Variants in ALG13 observed in about 807,000 individuals in gnomAD.
ALG13 encodes ALG13 UDP-N-acetylglucosaminyltransferase subunit, also known as UDP-N-acetylglucosamine transferase subunit ALG13.
A neutral mutation model predicts 87.8 loss-of-function variants in ALG13; 11 were observed. The ratio of observed to expected loss-of-function variants is 0.13; its 90% CI spans 0.08 to 0.21. The LOEUF (loss-of-function observed/expected upper bound fraction) is 0.21. ALG13 is among the 10% of genes least tolerant of loss of function. ALG13 has a pLI of 1.00. For missense variants in ALG13, 756 were observed against 866.1 expected (o/e 0.87, Z 1.60); for synonymous variants, 320 against 306.3 (o/e 1.04, Z -0.47).
chrX:111,737,997 A>G (rs1356489117), intron 23 of ALG13, among the ~76,000 whole-genome samples: 4 of 112,645 alleles, frequency 3.6e-5, no homozygotes, highest in African/African-American at 1.3e-4. Context: ...CAAATGCTAC[A>G]CAAATATATC....
chrX:111,721,479 C>T (rs1941391006), intron 11 of ALG13, 124 bp from the exon 12 acceptor site: 1 of 154,021 alleles, frequency 6.5e-6, no homozygotes, highest in Non-Finnish European at 1.1e-5. Flanking sequence ...TTAATTCTTC[C>T]TTCTTCATAG....
chrX:111,682,359 A>G (rs1229790242), intron 2 of ALG13, 65 bp downstream of exon 2: 8 of 924,921 alleles, frequency 8.6e-6, no homozygotes, highest in Non-Finnish European at 8.7e-6. Context: ...GTTCTGGGGT[A>G]TTCTGGGGGT....
At position 111,682,242 on chromosome X, in the gene ALG13, G is replaced by A. The variant is rs1301840425; in HGVS notation, c.192G>A (p.Lys64=). 8.4e-7 allele frequency: 1 copy of A among 1,196,999 alleles called. No homozygotes were observed. Among genetic ancestry groups the A allele is most frequent in the Admixed American group, 2.2e-5 (1 of 44,590 alleles). Residue 64 remains lysine (K), a synonymous_variant, in exon 2 of 27, where the codon AAG becomes AAA. Coordinates refer to ENST00000394780, the MANE Select transcript of ALG13 (RefSeq NM_001099922.3). ...TTACTCTGGATGTTTACAGGTACAAGGATTCCTTGAAAGAAGACATTCAGA... is the reference window on the plus strand; with the variant it reads ...TTACTCTGGATGTTTACAGGTACAAAGATTCCTTGAAAGAAGACATTCAGA... The part of the protein sequence containing the change: ...ESFTLDVYRY[K]DSLKEDIQKA...
At chrX:111,703,513 C>T (rs1209217239) in intron 3 of ALG13, among the ~76,000 whole-genome samples, 1 of 111,596 alleles carries the variant, frequency 9.0e-6, no homozygotes, top group Non-Finnish European at 1.9e-5. Context: ...CCCATTTATC[C>T]TTTCTCTTTG....
At chrX:111,726,101 G>T (rs1471013920) in intron 15 of ALG13, among the ~76,000 whole-genome samples, 1 of 110,947 alleles carries the variant, frequency 9.0e-6, no homozygotes, top group Non-Finnish European at 1.9e-5. Flanking sequence ...CTGCCACCGT[G>T]CCTGGCTAAT....
intron 3 of ALG13, among the ~76,000 whole-genome samples, chrX:111,686,986 TC>T (rs1370464941): frequency 2.7e-5 from 3 of 112,223 alleles, no homozygotes; most frequent in Non-Finnish European, 5.6e-5. Context: ...AGACGGAGTT[TC>T]GCTCTTGTTG....
chrX:111,701,407 A>G (rs146491074), intron 3 of ALG13, among the ~76,000 whole-genome samples: 463 of 111,206 alleles, frequency 4.2e-3, no homozygotes, highest in African/African-American at 0.014. Flanking sequence ...CAGATTTTCT[A>G]TTTCTTCATG....
chrX:111,755,593 C>A (rs1329751105), intron 25 of ALG13, among the ~76,000 whole-genome samples: 1 of 112,371 alleles, frequency 8.9e-6, no homozygotes, highest in Non-Finnish European at 1.9e-5. Context: ...AAATAAACAA[C>A]CCCATCAAAA....
intron 3 of ALG13, among the ~76,000 whole-genome samples, chrX:111,694,652 A>G (rs1327284005): frequency 8.9e-6 from 1 of 112,185 alleles, no homozygotes; most frequent in African/African-American, 3.2e-5. Context: ...CCTGATAGTC[A>G]CTGTTGGAAT....
intron 23 of ALG13, among the ~76,000 whole-genome samples, chrX:111,743,378 A>G (rs1943932736): frequency 8.9e-6 from 1 of 112,061 alleles, no homozygotes; most frequent in Admixed American, 9.5e-5. Context: ...GAAATATATG[A>G]CAAAACTCCA....
intron 15 of ALG13, among the ~76,000 whole-genome samples, chrX:111,726,232 G>T (rs200300705): frequency 0.025 from 1,496 of 59,850 alleles, 32 homozygotes; most frequent in African/African-American, 0.039. Flanking sequence ...GGCGTGTTTT[G>T]TTTTTTTTTT....
chrX:111,707,936 C>T (rs1602634328), intron 3 of ALG13, 91 bp from the exon 4 acceptor site: 1 of 976,389 alleles, frequency 1.0e-6, no homozygotes, highest in Non-Finnish European at 1.4e-6. Context: ...AAGGAGGTAA[C>T]TCTAAGTACT....
Position 111,727,363 on chromosome X carries a change from A to G in ALG13, c.2008A>G (p.Met670Val), listed in dbSNP as rs1277502608. Residue 670 changes from methionine (M) to valine (V), a missense_variant, in exon 17 of 27, where the codon ATG becomes GTG. Met to Val is a conservative substitution (Grantham distance 21). Coordinates refer to ENST00000394780, the MANE Select transcript of ALG13 (RefSeq NM_001099922.3). ...NSSRFINRHN[M>V]PGPKVDFYPG... ...ATCTCGGTTTATAAACAGGCACAAC[A>G]TGCCGGGCCCTAAAGTTGATTTTTA... 3 of 1,210,142 alleles carry G rather than the reference A, an allele frequency of 2.5e-6. No homozygotes were observed. The highest frequency in any genetic ancestry group is 3.0e-5 in the East Asian group (1 of 33,804).
At chrX:111,719,042 T>C (rs1941037084) in intron 10 of ALG13, among the ~76,000 whole-genome samples, 1 of 104,190 alleles carries the variant, frequency 9.6e-6, no homozygotes, top group Non-Finnish European at 2.0e-5. Context: ...TTTTTTTTTT[T>C]TTGAGACGGA....
chrX:111,713,410 C>T, intron 8 of ALG13, 113 bp downstream of exon 8: 1 of 515,873 alleles, frequency 1.9e-6, no homozygotes, highest in South Asian at 3.1e-5. Context: ...GTCTGAATGA[C>T]AGGTTTCTCT....
chrX:111,706,338 C>T (rs938014538), intron 3 of ALG13, among the ~76,000 whole-genome samples: 3 of 112,729 alleles, frequency 2.7e-5, no homozygotes, highest in African/African-American at 6.4e-5. Flanking sequence ...CAAATTATAA[C>T]CCTTAATTAA....
intron 26 of ALG13, 46 bp downstream of exon 26, chrX:111,757,808 AT>A (rs1345007480): frequency 1.8e-6 from 2 of 1,097,656 alleles, no homozygotes; most frequent in Non-Finnish European, 2.5e-6. Context: ...GTTGGATTTT[AT>A]TGTGTGTAAT....
intron 8 of ALG13, among the ~76,000 whole-genome samples, chrX:111,714,033 A>T (rs145936878): frequency 0.022 from 2,513 of 112,002 alleles, 67 homozygotes; most frequent in African/African-American, 0.078. Context: ...AATTCTAATG[A>T]TGGCATGACA....
intron 23 of ALG13, among the ~76,000 whole-genome samples, chrX:111,743,151 G>A (rs1481282727): frequency 2.7e-5 from 3 of 111,725 alleles, no homozygotes; most frequent in African/African-American, 9.8e-5. Context: ...TTTACCTAGT[G>A]ATCATAATCA....
Sources: gnomAD v4.1 joint callset for allele counts (sites outside exome capture counted in the v4.1 genomes callset) on GRCh38, gnomAD v4.1.1 for gene constraint, MANE v1.5 for transcripts, NCBI Gene and HGNC (gene_info 2026-07-23, HGNC 2026-07-21) for gene names.